ZCCHC10: variants seen among roughly 807,000 people sequenced by gnomAD.
The protein encoded by ZCCHC10 is zinc finger CCHC-type containing 10, also known as zinc finger CCHC domain-containing protein 10.
A neutral mutation model predicts 19.5 loss-of-function variants in ZCCHC10; 16 were observed. That is an observed-to-expected ratio of 0.82 (90% CI 0.56 to 1.25). The LOEUF is 1.25. ZCCHC10 is among the 50% of genes most tolerant of loss of function. The pLI is 0.00. For missense variants in ZCCHC10, 197 were observed against 201.0 expected (o/e 0.98, Z 0.12); for synonymous variants, 67 against 72.5 (o/e 0.92, Z 0.38).
chr5:133,010,407 C>T (rs540386072), intron 2 of ZCCHC10, among the ~76,000 whole-genome samples: 3 of 152,014 alleles, frequency 2.0e-5, no homozygotes, highest in South Asian at 4.2e-4. Flanking sequence ...CTTTGTGGAA[C>T]AAGAGGCAAA....
chr5:133,000,735 TG>T (rs1430262570), intron 3 of ZCCHC10, among the ~76,000 whole-genome samples: 3 of 151,014 alleles, frequency 2.0e-5, no homozygotes, highest in African/African-American at 7.3e-5. Context: ...CTCCGCCTCC[TG>T]GGTTCAAGGA....
intron 2 of ZCCHC10, among the ~76,000 whole-genome samples, chr5:133,015,124 G>A (rs943350720): frequency 2.4e-4 from 34 of 142,094 alleles, no homozygotes; most frequent in African/African-American, 8.4e-4. Context: ...TGTCACCCAG[G>A]CTGGAGTGCA....
chr5:133,025,503 C>CAAAAAAAAA (rs74843776), intron 1 of ZCCHC10, among the ~76,000 whole-genome samples: 16 of 18,682 alleles, frequency 8.6e-4, no homozygotes, highest in East Asian at 4.8e-3. Flanking sequence ...GACTCCGCCT[C>CAAAAAAAAA]AAAAAAAAAA....
At chr5:133,011,947 T>C (rs59610499) in intron 2 of ZCCHC10, among the ~76,000 whole-genome samples, 46,924 of 151,210 alleles carry the variant, frequency 0.31, 8,171 homozygotes, top group African/African-American at 0.48. Flanking sequence ...GTGGGCAACA[T>C]GGTGAAAGCC....
At chr5:133,012,968 G>A (rs1197736444) in intron 2 of ZCCHC10, among the ~76,000 whole-genome samples, 5 of 150,806 alleles carry the variant, frequency 3.3e-5, no homozygotes, top group African/African-American at 4.9e-5. Context: ...GGAGAATGGC[G>A]TGAACCTGGG....
rs1762478578 is a variant in ZCCHC10 at position 132,996,992 on chromosome 5, T to C, written c.*1591A>G. On this transcript the variant is annotated 3_prime_UTR_variant, in exon 5 of 5. Transcript: ENST00000509437. The stretch of plus-strand genomic sequence containing the variant: ...CTAAAGAGATAACAGAAGTTTAAGC[T>C]TGTGAGCACAAATTGTGAGTTTTAT... The C allele has an allele frequency of 1.3e-5, 2 of 152,350 alleles. No homozygotes were observed. The highest frequency in any genetic ancestry group is 4.1e-4 in the South Asian group (2 of 4,832). 9.4% of individuals were successfully genotyped at this position (152,350 alleles called of 1,614,324 possible).
intron 2 of ZCCHC10, among the ~76,000 whole-genome samples, chr5:133,017,671 C>A (rs1257934442): frequency 6.6e-6 from 1 of 152,064 alleles, no homozygotes; most frequent in African/African-American, 2.4e-5. Flanking sequence ...TGCTTGGCAG[C>A]ATGATTTGCA....
chr5:133,014,141 C>T (rs955943097), intron 2 of ZCCHC10, among the ~76,000 whole-genome samples: 4 of 149,370 alleles, frequency 2.7e-5, no homozygotes, highest in African/African-American at 7.5e-5. Context: ...TTGATACATT[C>T]CTACTATTTA....
At chr5:133,010,460 CAA>C (rs767607366) in intron 2 of ZCCHC10, among the ~76,000 whole-genome samples, 2 of 152,108 alleles carry the variant, frequency 1.3e-5, no homozygotes, top group South Asian at 4.1e-4. Context: ...TGAGAGAAAA[CAA>C]ATTTCCATAT....
At chr5:133,023,267 C>T (rs1764445578) in intron 1 of ZCCHC10, among the ~76,000 whole-genome samples, 1 of 151,898 alleles carries the variant, frequency 6.6e-6, no homozygotes, top group South Asian at 2.1e-4. Context: ...GAAATGACCC[C>T]AAATAATGCC....
intron 4 of ZCCHC10, 64 bp from the exon 5 acceptor site, chr5:132,998,914 T>C (rs542123668): frequency 1.3e-6 from 2 of 1,563,000 alleles, no homozygotes; most frequent in South Asian, 2.4e-5. Flanking sequence ...TAAAAGCAAT[T>C]TCATTTTTTT....
At chr5:133,011,939 G>C (rs888455918) in intron 2 of ZCCHC10, among the ~76,000 whole-genome samples, 1 of 151,830 alleles carries the variant, frequency 6.6e-6, no homozygotes, top group Admixed American at 6.6e-5. Flanking sequence ...AGACCAGTGT[G>C]GGCAACATGG....
intron 2 of ZCCHC10, among the ~76,000 whole-genome samples, chr5:133,013,061 T>TAAAAAAAAAAAAA (rs368155320): frequency 8.8e-6 from 1 of 113,070 alleles, no homozygotes; most frequent in Non-Finnish European, 1.9e-5. Flanking sequence ...AAAAAAAAAT[T>TAAAAAAAAAAAAA]AAAAAAAAAA....
chr5:133,001,226 A>T (rs1025227905), intron 3 of ZCCHC10, among the ~76,000 whole-genome samples: 5 of 150,984 alleles, frequency 3.3e-5, no homozygotes, highest in Non-Finnish European at 5.9e-5. Flanking sequence ...TGTCTCTACT[A>T]AAAAAAACAC....
chr5:133,018,759 T>C (rs1440141732), intron 2 of ZCCHC10, among the ~76,000 whole-genome samples: 4 of 152,176 alleles, frequency 2.6e-5, no homozygotes, highest in South Asian at 2.1e-4. Flanking sequence ...AAGTTTCCTA[T>C]GACTTAAAGA....
At chr5:133,020,907 T>C (rs1387697846) in intron 2 of ZCCHC10, among the ~76,000 whole-genome samples, 3 of 150,118 alleles carry the variant, frequency 2.0e-5, no homozygotes, top group Admixed American at 1.3e-4. Flanking sequence ...TTTATTATTT[T>C]TTTTTTCTGA....
chr5:133,006,642 A>G (rs1763135803), intron 3 of ZCCHC10, 117 bp downstream of exon 3: 1 of 1,028,518 alleles, frequency 9.7e-7, no homozygotes, highest in African/African-American at 1.6e-5. Context: ...AGCATCTATT[A>G]AACATTAGTA....
At chr5:133,015,021 G>A (rs73254813) in intron 2 of ZCCHC10, among the ~76,000 whole-genome samples, 2,609 of 150,850 alleles carry the variant, frequency 0.017, 81 homozygotes, top group African/African-American at 0.06. Flanking sequence ...TATTACTGAT[G>A]ATGTTCACTT....
At chr5:133,021,732 T>G (rs1764324155) in intron 2 of ZCCHC10, among the ~76,000 whole-genome samples, 1 of 152,168 alleles carries the variant, frequency 6.6e-6, no homozygotes, top group Non-Finnish European at 1.5e-5. Flanking sequence ...TAGGCTGCCC[T>G]AAATTTATAA....
Sources: gnomAD v4.1 joint callset for allele counts (sites outside exome capture counted in the v4.1 genomes callset) on GRCh38, gnomAD v4.1.1 for gene constraint, MANE v1.5 for transcripts, NCBI Gene and HGNC (gene_info 2026-07-23, HGNC 2026-07-21) for gene names.